Variants in CFAP299 observed in about 807,000 individuals in gnomAD.
CFAP299 encodes cilia and flagella associated protein 299, also known as cilia- and flagella-associated protein 299.
Under a neutral mutation model 27.0 loss-of-function variants are expected in CFAP299, and 21 were observed. The ratio of observed to expected loss-of-function variants is 0.78; its 90% CI spans 0.55 to 1.12. CFAP299 has a LOEUF of 1.12. CFAP299 is among the 50% of genes most tolerant of loss of function. CFAP299 has a pLI of 0.00. For missense variants in CFAP299, 310 were observed against 276.6 expected, an observed-to-expected ratio of 1.12 and a Z score of -0.86; for synonymous variants, 104 against 98.1, an observed-to-expected ratio of 1.06 and a Z score of -0.36.
At chr4:80,810,001 GA>G (rs941625182) in intron 3 of CFAP299, among the ~76,000 whole-genome samples, 3 of 151,940 alleles carry the variant, frequency 2.0e-5, no homozygotes, top group Non-Finnish European at 4.4e-5. Context: ...GGGTTGCGGT[GA>G]AATTTTAACA....
At chr4:80,429,952 GTTT>G (rs199893567) in intron 2 of CFAP299, among the ~76,000 whole-genome samples, 2 of 151,264 alleles carry the variant, frequency 1.3e-5, no homozygotes, top group African/African-American at 4.8e-5. Flanking sequence ...TTATTTCCAA[GTTT>G]TTTTTTATGT....
rs148612574 is a variant in CFAP299 at position 80,499,461 on chromosome 4, C to T, written c.243-83632C>T. ...ATATTTTTTCCATGTAATGATTTAG[C>T]TTTAAATATAATGTTTCTAATATTT... On this transcript the variant is annotated intron_variant, in intron 2 of 5. Coordinates refer to ENST00000358105, the MANE Select transcript of CFAP299 (RefSeq NM_152770.3). Among the ~76,000 whole-genome samples the T allele has an allele frequency of 4.6e-4, 70 of 152,130 alleles. No homozygotes were observed. In the East Asian group the frequency reaches 0.012, roughly 26 times the overall value.
intron 2 of CFAP299, among the ~76,000 whole-genome samples, chr4:80,522,415 T>G (rs1411645001): frequency 6.6e-6 from 1 of 152,086 alleles, no homozygotes; most frequent in Non-Finnish European, 1.5e-5. Context: ...CCTTATCAGT[T>G]AAAGGTTTGG....
At chr4:80,917,381 C>T (rs1735819112) in intron 4 of CFAP299, among the ~76,000 whole-genome samples, 1 of 152,084 alleles carries the variant, frequency 6.6e-6, no homozygotes, top group Non-Finnish European at 1.5e-5. Flanking sequence ...GTCACTCTTA[C>T]ATTACTAAAA....
chr4:80,393,223 T>A (rs1329246185), intron 2 of CFAP299, among the ~76,000 whole-genome samples: 1 of 152,148 alleles, frequency 6.6e-6, no homozygotes, highest in Non-Finnish European at 1.5e-5. Flanking sequence ...TTTATGCAAT[T>A]GTACAGTGAT....
rs70956073 is a variant in CFAP299, at chr4:80,866,059, TTATATATATATATATATATATA to T, written c.334-3918_334-3897del. ...CTTGTGCACCGTAGAACTTAAAGTA[TTATATATATATATATATATATA>T]TATATATATATATATCTTCCCAAAT... On this transcript the variant is annotated intron_variant, in intron 3 of 5. Transcript: ENST00000358105. Among the ~76,000 whole-genome samples, 61 of 58,382 alleles carry T rather than the reference TTATATATATATATATATATATA, an allele frequency of 1.0e-3. 2 individuals are homozygous for T. In the Admixed American group the frequency reaches 0.014, roughly 14 times the overall value. 38.3% of individuals were successfully genotyped at this position (58,382 alleles called of 152,430 possible).
intron 2 of CFAP299, among the ~76,000 whole-genome samples, chr4:80,546,177 G>A (rs1261739335): frequency 1.3e-5 from 2 of 152,114 alleles, no homozygotes; most frequent in Non-Finnish European, 2.9e-5. Flanking sequence ...TTAACCTTGA[G>A]AACTGGAGCA....
At chr4:80,545,460 T>C (rs916607578) in intron 2 of CFAP299, among the ~76,000 whole-genome samples, 3 of 150,240 alleles carry the variant, frequency 2.0e-5, no homozygotes, top group Non-Finnish European at 4.5e-5. Flanking sequence ...ACCCTCAGAC[T>C]ATTACAAACA....
intron 2 of CFAP299, among the ~76,000 whole-genome samples, chr4:80,483,447 T>C (rs1043108609): frequency 2.0e-5 from 3 of 152,238 alleles, no homozygotes; most frequent in Non-Finnish European, 4.4e-5. Context: ...TTCATTCTTA[T>C]CATTGGATTA....
At chr4:80,655,579 G>A (rs1447144806) in intron 3 of CFAP299, among the ~76,000 whole-genome samples, 2 of 152,080 alleles carry the variant, frequency 1.3e-5, no homozygotes, top group Non-Finnish European at 2.9e-5. Context: ...TCAAGGGTAT[G>A]GGAATATGTT....
chr4:80,658,416 A>G (rs920201005), intron 3 of CFAP299, among the ~76,000 whole-genome samples: 1 of 152,106 alleles, frequency 6.6e-6, no homozygotes, highest in Non-Finnish European at 1.5e-5. Flanking sequence ...ATCAATGCCT[A>G]GTTTATTGAG....
intron 5 of CFAP299, among the ~76,000 whole-genome samples, chr4:80,949,667 C>T (rs181407180): frequency 4.0e-5 from 6 of 151,458 alleles, no homozygotes; most frequent in African/African-American, 1.5e-4. Flanking sequence ...AACCTATTAC[C>T]CAAGATAAGA....
intron 3 of CFAP299, among the ~76,000 whole-genome samples, chr4:80,858,349 A>T (rs1578189336): frequency 6.6e-6 from 1 of 152,042 alleles, no homozygotes; most frequent in East Asian, 1.9e-4. Flanking sequence ...TGATCCTTTC[A>T]AAAAACCAGC....
At position 80,591,113 on chromosome 4, in the gene CFAP299, T is replaced by A. The variant is rs1232567802; in HGVS notation, c.333+7930T>A. Among the ~76,000 whole-genome samples the A allele has an allele frequency of 6.1e-4, 86 of 141,540 alleles. 2 individuals carry two copies. Among genetic ancestry groups the A allele is most frequent in the African/African-American group, 2.2e-3 (85 of 39,214 alleles). 92.9% of individuals were successfully genotyped at this position (141,540 alleles called of 152,430 possible). Reference sequence around the variant, plus strand: ...TTATAATACTTTAGGAAATTTTTTTTTTTTTTTTTTTTTTTTTTATTTTTT... The same window carrying A: ...TTATAATACTTTAGGAAATTTTTTTATTTTTTTTTTTTTTTTTTATTTTTT... On this transcript the variant is annotated intron_variant, in intron 3 of 5. Transcript: ENST00000358105.
At chr4:80,932,827 G>A (rs1736688196) in intron 4 of CFAP299, among the ~76,000 whole-genome samples, 1 of 151,950 alleles carries the variant, frequency 6.6e-6, no homozygotes, top group South Asian at 2.1e-4. Context: ...TCTTGTCTTG[G>A]CACAATTATT....
intron 3 of CFAP299, among the ~76,000 whole-genome samples, chr4:80,626,155 T>G (rs1738888536): frequency 6.6e-6 from 1 of 151,980 alleles, no homozygotes; most frequent in South Asian, 2.1e-4. Flanking sequence ...AAAGCAAGTC[T>G]TAACAAATTT....
chr4:80,327,304 A>G, the CFAP299 span, among the ~76,000 whole-genome samples: 1 of 152,144 alleles, frequency 6.6e-6, no homozygotes, highest in East Asian at 1.9e-4. Flanking sequence ...TGGGAAGAGA[A>G]AGAAAACAGC....
chr4:80,722,607 A>G (rs1446014001), intron 3 of CFAP299, among the ~76,000 whole-genome samples: 1 of 152,086 alleles, frequency 6.6e-6, no homozygotes, highest in Non-Finnish European at 1.5e-5. Context: ...ATGATTAGAA[A>G]ACAAAAAATT....
intron 2 of CFAP299, among the ~76,000 whole-genome samples, chr4:80,577,093 G>A (rs979119940): frequency 6.6e-6 from 1 of 152,132 alleles, no homozygotes; most frequent in Non-Finnish European, 1.5e-5. Context: ...TTTTCACAAT[G>A]TAAAAATATT....
Sources: allele counts gnomAD v4.1 joint callset (sites outside exome capture counted in the v4.1 genomes callset), GRCh38; gene constraint gnomAD v4.1.1; transcripts MANE v1.5; gene names NCBI Gene and HGNC (gene_info 2026-07-23, HGNC 2026-07-21).